HS3ST4: variants seen among roughly 807,000 people sequenced by gnomAD.
HS3ST4 encodes the protein heparan sulfate-glucosamine 3-sulfotransferase 4.
A neutral mutation model predicts 29.2 loss-of-function variants in HS3ST4; 17 were observed. That is an observed-to-expected ratio of 0.58 (90% CI 0.40 to 0.87). The LOEUF (loss-of-function observed/expected upper bound fraction) is 0.87. HS3ST4 is among the 40% of genes least tolerant of loss of function. The pLI, the probability that HS3ST4 is intolerant of heterozygous loss-of-function variation, is 0.00. For missense variants in HS3ST4, 627 were observed against 634.5 expected, an observed-to-expected ratio of 0.99 and a Z score of 0.13; for synonymous variants, 314 against 285.7, an observed-to-expected ratio of 1.10 and a Z score of -1.00.
At chr16:26,102,648 T>C (rs1567312802) in intron 1 of HS3ST4, among the ~76,000 whole-genome samples, 1 of 152,212 alleles carries the variant, frequency 6.6e-6, no homozygotes, top group Non-Finnish European at 1.5e-5. Flanking sequence ...TATGTCTGCC[T>C]GCCACCTCTC....
At chr16:26,116,837 C>T (rs1899208110) in intron 1 of HS3ST4, among the ~76,000 whole-genome samples, 1 of 152,126 alleles carries the variant, frequency 6.6e-6, no homozygotes, top group Admixed American at 6.5e-5. Context: ...ACTTTTTAAG[C>T]ATCAATGTGA....
intron 1 of HS3ST4, among the ~76,000 whole-genome samples, chr16:25,831,117 G>A (rs1433785427): frequency 1.3e-5 from 2 of 152,078 alleles, no homozygotes; most frequent in Non-Finnish European, 2.9e-5. Flanking sequence ...ATGCTTGGCT[G>A]TGTCTCCTCA....
intron 1 of HS3ST4, among the ~76,000 whole-genome samples, chr16:25,779,125 G>T (rs1021162727): frequency 6.6e-6 from 1 of 152,102 alleles, no homozygotes; most frequent in Non-Finnish European, 1.5e-5. Context: ...ACAGGGGTTG[G>T]CCTAGGCTAA....
intron 1 of HS3ST4, among the ~76,000 whole-genome samples, chr16:26,012,332 C>T (rs1281983746): frequency 6.6e-6 from 1 of 152,098 alleles, no homozygotes; most frequent in East Asian, 1.9e-4. Context: ...AAGGTTTGTC[C>T]CTCAATCAAT....
At chr16:25,817,655 A>C (rs1967107544) in intron 1 of HS3ST4, among the ~76,000 whole-genome samples, 1 of 152,134 alleles carries the variant, frequency 6.6e-6, no homozygotes, top group Non-Finnish European at 1.5e-5. Flanking sequence ...CTTTTCTTTT[A>C]TCTTTTAATA....
intron 1 of HS3ST4, among the ~76,000 whole-genome samples, chr16:25,811,459 G>A (rs1368269004): frequency 4.1e-5 from 4 of 97,178 alleles, no homozygotes; most frequent in African/African-American, 1.7e-4. Flanking sequence ...TTGAGATGGA[G>A]TTTCGCTCTT....
intron 1 of HS3ST4, among the ~76,000 whole-genome samples, chr16:25,693,650 A>G (rs192299417): frequency 2.5e-4 from 38 of 152,346 alleles, no homozygotes; most frequent in African/African-American, 9.1e-4. Context: ...AGCAAAATGA[A>G]TAGGGAACAG....
chr16:25,996,718 C>G (rs1173617087), intron 1 of HS3ST4, among the ~76,000 whole-genome samples: 1 of 152,064 alleles, frequency 6.6e-6, no homozygotes, highest in Non-Finnish European at 1.5e-5. Context: ...CTACTATTCT[C>G]TATTTGGCTA....
rs1433289357 is a variant in HS3ST4 at position 25,692,448 on chromosome 16, C to T, written c.31C>T (p.Pro11Ser). 7.9e-7 allele frequency: 1 copy of T among 1,269,086 alleles called. No homozygotes were observed. Among genetic ancestry groups the T allele is most frequent in the Admixed American group, 3.3e-5 (1 of 30,572 alleles). 78.6% of individuals were successfully genotyped at this position (1,269,086 alleles called of 1,614,324 possible). Reference protein sequence around the residue: MARWPAPPPPPPPPPPLAAPP... With the variant: MARWPAPPPPSPPPPPLAAPP... ...CCGGTGGCCCGCACCTCCTCCGCCTCCGCCTCCGCCTCCACCTCTGGCCGC... is the reference window on the plus strand; with the variant it reads ...CCGGTGGCCCGCACCTCCTCCGCCTTCGCCTCCGCCTCCACCTCTGGCCGC... Residue 11 changes from proline to serine, a missense_variant, in exon 1 of 2, where the codon CCG becomes TCG. Around this residue, in one of 2 missense-constraint regions of HS3ST4, gnomAD observed 402 missense variants for 340.8 expected, o/e 1.18. Transcript: ENST00000331351.
chr16:25,730,976 C>T (rs188203280), intron 1 of HS3ST4, among the ~76,000 whole-genome samples: 123 of 152,286 alleles, frequency 8.1e-4, no homozygotes, highest in African/African-American at 2.8e-3. Flanking sequence ...AAGACACATA[C>T]AGGGTGGAGT....
intron 1 of HS3ST4, among the ~76,000 whole-genome samples, chr16:25,988,865 G>T (rs1296750809): frequency 6.8e-6 from 1 of 147,282 alleles, no homozygotes. Flanking sequence ...CTTAATAAAA[G>T]TAAAAAAAAA....
At chr16:26,134,362 C>CTTT (rs60068546) in intron 1 of HS3ST4, among the ~76,000 whole-genome samples, 15 of 76,766 alleles carry the variant, frequency 2.0e-4, no homozygotes, top group East Asian at 1.0e-3. Flanking sequence ...CTTTTCTTTT[C>CTTT]TTTTTTTTTT....
chr16:25,769,426 T>A (rs1966839265), intron 1 of HS3ST4, among the ~76,000 whole-genome samples: 3 of 152,208 alleles, frequency 2.0e-5, no homozygotes. Context: ...CAGGGAGGAC[T>A]AGGGGTCTTC....
chr16:25,842,097 T>C (rs1312677674), intron 1 of HS3ST4, among the ~76,000 whole-genome samples: 2 of 152,188 alleles, frequency 1.3e-5, no homozygotes, highest in Non-Finnish European at 2.9e-5. Flanking sequence ...TTTTGGACTT[T>C]TTATCGTATG....
chr16:26,029,500 A>G (rs1366503783), intron 1 of HS3ST4, among the ~76,000 whole-genome samples: 1 of 151,662 alleles, frequency 6.6e-6, no homozygotes, highest in African/African-American at 2.4e-5. Flanking sequence ...GCAACCTCCG[A>G]TTCCTGGGTT....
At chr16:26,128,700 T>C (rs1183685910) in intron 1 of HS3ST4, among the ~76,000 whole-genome samples, 6 of 152,244 alleles carry the variant, frequency 3.9e-5, no homozygotes, top group African/African-American at 1.4e-4. Context: ...ACAAGGTTCT[T>C]TGTCTTTCTG....
At chr16:26,055,102 G>GTT (rs375927986) in intron 1 of HS3ST4, among the ~76,000 whole-genome samples, 1 of 146,126 alleles carries the variant, frequency 6.8e-6, no homozygotes, top group Non-Finnish European at 1.5e-5. Context: ...TTGATGAGTT[G>GTT]TTTTTTTTTT....
At chr16:25,748,897 G>A (rs1372839010) in intron 1 of HS3ST4, among the ~76,000 whole-genome samples, 1 of 152,172 alleles carries the variant, frequency 6.6e-6, no homozygotes, top group Non-Finnish European at 1.5e-5. Flanking sequence ...ATTCAGTACA[G>A]CATGAAATTG....
intron 1 of HS3ST4, among the ~76,000 whole-genome samples, chr16:25,731,145 T>C (rs1348356550): frequency 6.6e-6 from 1 of 151,812 alleles, no homozygotes; most frequent in Non-Finnish European, 1.5e-5. Flanking sequence ...TGATTGGGGG[T>C]CTGTCACATA....
Sources: gnomAD v4.1 joint callset for allele counts (sites outside exome capture counted in the v4.1 genomes callset) on GRCh38, gnomAD v4.1.1 for gene constraint, gnomAD v4.1.1 regional missense constraint, MANE v1.5 for transcripts, NCBI Gene and HGNC (gene_info 2026-07-23, HGNC 2026-07-21) for gene names.